DMD: variants seen among roughly 807,000 people sequenced by gnomAD.
DMD encodes the protein mutant dystrophin.
A neutral mutation model predicts 330.1 loss-of-function variants in DMD; 63 were observed. That is an observed-to-expected ratio of 0.19 (90% CI 0.16 to 0.24). The LOEUF (loss-of-function observed/expected upper bound fraction) is 0.24. DMD is among the 10% of genes least tolerant of loss of function. The pLI, the probability that DMD is intolerant of heterozygous loss-of-function variation, is 1.00. For missense variants in DMD, 3,344 were observed against 2,684.1 expected (o/e 1.25, Z -5.43); for synonymous variants, 1,223 against 959.8 (o/e 1.27, Z -5.07).
intron 1 of DMD, among the ~76,000 whole-genome samples, chrX:33,296,166 T>C (rs1368552653): frequency 2.7e-5 from 3 of 111,354 alleles, no homozygotes; most frequent in Non-Finnish European, 5.7e-5. Context: ...TTTCTCCTAG[T>C]AATGCTTTCT....
chrX:31,807,414 C>T (rs1159779258), intron 50 of DMD, among the ~76,000 whole-genome samples: 2 of 111,241 alleles, frequency 1.8e-5, no homozygotes, highest in African/African-American at 6.5e-5. Flanking sequence ...GCTGTACTGG[C>T]TTTTTGACCT....
Position 32,085,648 on chromosome X carries a change from A to G in DMD, c.6439-117134T>C, listed in dbSNP as rs199784275. 7.4e-3 allele frequency among the ~76,000 whole-genome samples: 528 copies of G among 71,630 alleles called. 11 individuals carry two copies. The highest frequency in any genetic ancestry group is 0.025 in the African/African-American group (472 of 18,994). The allele number at this position is 71,630 out of a possible 115,157, so 62.2% of individuals were successfully genotyped here. On this transcript the variant is annotated intron_variant, in intron 44 of 78. Transcript: ENST00000357033. ...TATATACACATATATACGTATATAT[A>G]TGTGTGTATATATACGTATATATAC...
chrX:31,627,714 C>G lies in DMD; in HGVS notation c.8176G>C (p.Glu2726Gln). Residue 2726 changes from glutamate (E) to glutamine (Q), a missense_variant, in exon 55 of 79, where the codon GAA (glutamate) becomes CAA (glutamine). Coordinates refer to ENST00000357033, the MANE Select transcript of DMD (RefSeq NM_004006.3). The part of the protein sequence containing the change: ...QDATRKERLL[E>Q]DSKGVKELMK... ...AGCTCTTTTACTCCCTTGGAGTCTT[C>G]TAGGAGCCTTTCCTTACGGGTAGCA... The G allele has an allele frequency of 8.3e-7, 1 of 1,211,551 alleles. No homozygotes were observed. The highest frequency in any genetic ancestry group is 1.8e-5 in the South Asian group (1 of 57,006).
At chrX:32,189,544 A>C (rs182523102) in intron 44 of DMD, among the ~76,000 whole-genome samples, 1 of 111,204 alleles carries the variant, frequency 9.0e-6, no homozygotes, top group Non-Finnish European at 1.9e-5. Flanking sequence ...AATATTTACT[A>C]TCTGCCCCAT....
chrX:33,315,711 C>T (rs771704637), intron 1 of DMD, among the ~76,000 whole-genome samples: 2 of 111,870 alleles, frequency 1.8e-5, no homozygotes, highest in Non-Finnish European at 3.8e-5. Flanking sequence ...TATATGAGTC[C>T]TCCTAAGGAA....
intron 48 of DMD, among the ~76,000 whole-genome samples, chrX:31,845,382 T>TCTCTCTCTCTCTCTCC (rs2093402458): frequency 2.8e-5 from 1 of 35,547 alleles, no homozygotes; most frequent in African/African-American, 2.6e-4. Context: ...AAAGTCTCTC[T>TCTCTCTCTCTCTCTCC]CTCTCTCTCT....
At chrX:31,934,794 T>C (rs2094902994) in intron 45 of DMD, among the ~76,000 whole-genome samples, 1 of 112,188 alleles carries the variant, frequency 8.9e-6, no homozygotes, top group Non-Finnish European at 1.9e-5. Context: ...ACTTTAGTCA[T>C]TAGCAATCAG....
At chrX:32,198,406 A>T (rs1408174215) in intron 44 of DMD, among the ~76,000 whole-genome samples, 1 of 111,723 alleles carries the variant, frequency 9.0e-6, no homozygotes, top group Non-Finnish European at 1.9e-5. Flanking sequence ...TTTTCAGAGT[A>T]AAGCAACTCT....
At chrX:31,717,980 T>C (rs2085185549) in intron 52 of DMD, among the ~76,000 whole-genome samples, 1 of 111,676 alleles carries the variant, frequency 9.0e-6, no homozygotes, top group Non-Finnish European at 1.9e-5. Context: ...GTCAGGCTTA[T>C]TGTATCTACC....
At chrX:32,650,820 C>T (rs909943704) in intron 9 of DMD, among the ~76,000 whole-genome samples, 6 of 112,147 alleles carry the variant, frequency 5.4e-5, no homozygotes, top group African/African-American at 1.9e-4. Context: ...ACTACTACCG[C>T]ATATACAACA....
chrX:31,177,706 G>GT (rs1162221016), intron 71 of DMD, among the ~76,000 whole-genome samples: 1 of 109,659 alleles, frequency 9.1e-6, no homozygotes, highest in Non-Finnish European at 1.9e-5. Flanking sequence ...ATTTCACCTG[G>GT]TGGAGGAACC....
intron 2 of DMD, among the ~76,000 whole-genome samples, chrX:32,992,798 T>C (rs1281888340): frequency 9.5e-6 from 1 of 105,112 alleles, no homozygotes; most frequent in Non-Finnish European, 1.9e-5. Context: ...CCCAACTACT[T>C]GGGAGGCTGA....
At chrX:31,260,452 A>G (rs1449784493) in intron 63 of DMD, among the ~76,000 whole-genome samples, 1 of 112,018 alleles carries the variant, frequency 8.9e-6, no homozygotes, top group Non-Finnish European at 1.9e-5. Flanking sequence ...ACATAAACAC[A>G]AAACAAGCCA....
intron 7 of DMD, among the ~76,000 whole-genome samples, chrX:32,744,693 TA>T (rs1266382795): frequency 8.9e-6 from 1 of 111,741 alleles, no homozygotes; most frequent in East Asian, 2.8e-4. Context: ...CTGTCATATC[TA>T]GTCATTCCTT....
rs184180105 is a variant in DMD at position 32,352,770 on chromosome X, T to A, written c.5326-4242A>T. ...TGAAATTTTCAGGCAGTCCTCGGGG[T>A]ATAGGAAAAATTACGGGAGTGGGAT... On this transcript the variant is annotated intron_variant, in intron 37 of 78. Coordinates refer to ENST00000357033, the MANE Select transcript of DMD (RefSeq NM_004006.3). Among the ~76,000 whole-genome samples the A allele has an allele frequency of 3.2e-4, 35 of 110,934 alleles. No individual in the cohort carries two copies. The East Asian group carries it at 9.6e-3, about 30-fold the overall frequency.
chrX:33,103,236 T>C (rs1397797998), intron 1 of DMD, among the ~76,000 whole-genome samples: 3 of 111,691 alleles, frequency 2.7e-5, no homozygotes, highest in Non-Finnish European at 5.6e-5. Context: ...AAATTAACTT[T>C]TGGTTCTAGA....
chrX:32,862,272 T>G, intron 2 of DMD, among the ~76,000 whole-genome samples: 1 of 112,278 alleles, frequency 8.9e-6, no homozygotes, highest in Non-Finnish European at 1.9e-5. Flanking sequence ...TATTTGGCAT[T>G]TTATAAAGCA....
chrX:33,159,229 C>T (rs945982362), intron 1 of DMD: 5 of 111,972 alleles, frequency 4.5e-5, no homozygotes, highest in South Asian at 7.4e-4. Context: ...ATAACTTTTT[C>T]AACATTACAA....
At chrX:32,800,390 T>C (rs1302576188) in intron 7 of DMD, among the ~76,000 whole-genome samples, 1 of 111,431 alleles carries the variant, frequency 9.0e-6, no homozygotes, top group Non-Finnish European at 1.9e-5. Context: ...GAGTTATTAT[T>C]TTTTTCTTTG....
Sources: allele counts gnomAD v4.1 joint callset (sites outside exome capture counted in the v4.1 genomes callset), GRCh38; gene constraint gnomAD v4.1.1; transcripts MANE v1.5; gene names NCBI Gene and HGNC (gene_info 2026-07-23, HGNC 2026-07-21).